ARMC3: variants seen among roughly 807,000 people sequenced by gnomAD.
ARMC3 encodes the protein armadillo repeat containing 3.
In ARMC3, 74 loss-of-function variants were observed where a neutral mutation model predicts 90.3. The ratio of observed to expected loss-of-function variants is 0.82; its 90% CI spans 0.68 to 0.99. ARMC3 has a LOEUF of 0.99. ARMC3 is among the 50% of genes least tolerant of loss of function. The pLI is 0.00. For synonymous variants in ARMC3, 334 were observed against 361.8 expected (o/e 0.92, Z 0.87); for missense variants, 958 against 1,042.8 (o/e 0.92, Z 1.12).
intron 16 of ARMC3, among the ~76,000 whole-genome samples, chr10:23,027,515 ATAG>A (rs1393510489): frequency 1.3e-5 from 2 of 152,150 alleles, no homozygotes; most frequent in African/African-American, 4.8e-5. Context: ...GAACTCATTT[ATAG>A]TAGTTTTTTT....
At chr10:22,928,899 T>G (rs2131098450) in intron 1 of ARMC3, among the ~76,000 whole-genome samples, 1 of 152,270 alleles carries the variant, frequency 6.6e-6, no homozygotes, top group East Asian at 1.9e-4. Flanking sequence ...AAGTAGGGGA[T>G]AGAAGTTGAG....
At chr10:23,001,820 G>C (rs1837305907) in intron 11 of ARMC3, 99 bp from the exon 12 acceptor site, 1 of 1,368,800 alleles carries the variant, frequency 7.3e-7, no homozygotes, top group Non-Finnish European at 9.9e-7. Flanking sequence ...TTTTTACATA[G>C]TTAAAACCTT....
At chr10:23,008,221 A>G (rs1837722884) in intron 14 of ARMC3, 55 bp from the exon 15 acceptor site, 2 of 918,616 alleles carry the variant, frequency 2.2e-6, no homozygotes, top group Admixed American at 3.2e-5. Context: ...GAATAAAACC[A>G]TCTGTTGACA....
intron 10 of ARMC3, among the ~76,000 whole-genome samples, chr10:22,983,126 G>T (rs531915927): frequency 6.6e-6 from 1 of 151,930 alleles, no homozygotes; most frequent in East Asian, 1.9e-4. Flanking sequence ...TGGTCACATG[G>T]TGCAAAAAAA....
intron 3 of ARMC3, among the ~76,000 whole-genome samples, chr10:22,948,867 T>C (rs1834635082): frequency 6.6e-6 from 1 of 152,126 alleles, no homozygotes; most frequent in African/African-American, 2.4e-5. Flanking sequence ...AGGAGCTCTG[T>C]AAAGGGTCTC....
Position 23,030,608 on chromosome 10 carries a change from A to G in ARMC3, c.2058A>G (p.Gly686=). 1 of 1,612,532 alleles carries G rather than the reference A, an allele frequency of 6.2e-7. No homozygotes were observed. The highest frequency in any genetic ancestry group is 8.5e-7 in the Non-Finnish European group (1 of 1,179,252). ...TKEKGWRKSK[G]KKEEEKVKEE... is the part of the protein sequence containing the mutation. ...TTTACTTTCAAAGGAAAAGCAAAGG[A>G]AAAAAAGAAGAGGAAAAAGTGAAAG... Residue 686 remains glycine (G), a synonymous_variant, in exon 17 of 19, where the codon GGA becomes GGG. Coordinates refer to ENST00000298032, the MANE Select transcript of ARMC3 (RefSeq NM_173081.5).
intron 13 of ARMC3, chr10:23,006,670 A>G: frequency 2.0e-6 from 1 of 496,568 alleles, no homozygotes; most frequent in South Asian, 2.2e-5. Context: ...AGCAATCGAG[A>G]TGATAAGGAA....
chr10:22,938,098 G>C (rs1834179836), intron 2 of ARMC3, among the ~76,000 whole-genome samples: 1 of 152,184 alleles, frequency 6.6e-6, no homozygotes, highest in African/African-American at 2.4e-5. Flanking sequence ...GGAGTGTGAT[G>C]GGGCCTCTTT....
chr10:22,935,532 G>C (rs558795046), intron 2 of ARMC3, among the ~76,000 whole-genome samples: 1 of 152,262 alleles, frequency 6.6e-6, no homozygotes, highest in African/African-American at 2.4e-5. Flanking sequence ...ACTGGGCTTA[G>C]AATTCAAAGC....
intron 8 of ARMC3, 126 bp downstream of exon 8, chr10:22,968,615 C>A: frequency 1.3e-6 from 1 of 799,198 alleles, no homozygotes; most frequent in Non-Finnish European, 1.8e-6. Context: ...GATTCTCCCA[C>A]CTCAGCCTTC....
intron 18 of ARMC3, among the ~76,000 whole-genome samples, chr10:23,035,311 G>A (rs1305415736): frequency 2.0e-5 from 3 of 152,056 alleles, no homozygotes; most frequent in Non-Finnish European, 4.4e-5. Context: ...ACCTCCAAAT[G>A]CCATCACATT....
Position 22,946,151 on chromosome 10 carries a change from C to G in ARMC3, c.56C>G (p.Pro19Arg). 1 of 1,604,462 alleles carries G rather than the reference C, an allele frequency of 6.2e-7. No individual in the cohort carries two copies. Among genetic ancestry groups the G allele is most frequent in the Non-Finnish European group, 8.5e-7 (1 of 1,174,496 alleles). Residue 19 changes from proline to arginine, a missense_variant, in exon 3 of 19, where the codon CCA (proline) becomes CGA (arginine). Physicochemically the swap from Pro to Arg is moderately radical, Grantham distance 103. Coordinates refer to ENST00000298032, the MANE Select transcript of ARMC3 (RefSeq NM_173081.5). ...TTTCTTTCTGCCTTTCAGTTTGACC[C>G]ATTAATGATTGAAAGCAAAAAAGCA... Reference protein sequence around the residue: ...VEPPPKDVFDPLMIESKKAAT... With the variant: ...VEPPPKDVFDRLMIESKKAAT...
chr10:22,991,163 A>C (rs891781665), intron 10 of ARMC3, among the ~76,000 whole-genome samples: 1 of 152,232 alleles, frequency 6.6e-6, no homozygotes, highest in Non-Finnish European at 1.5e-5. Context: ...TCAGAAAACC[A>C]TGTGTTTGTT....
At chr10:22,984,838 A>G (rs527590585) in intron 10 of ARMC3, among the ~76,000 whole-genome samples, 1 of 152,004 alleles carries the variant, frequency 6.6e-6, no homozygotes, top group African/African-American at 2.4e-5. Flanking sequence ...TTTGCGATAA[A>G]TTTGAATTAA....
rs761910798 is a variant in ARMC3 at position 22,946,160 on chromosome 10, T to C, written c.65T>C (p.Ile22Thr). Reference protein sequence around the residue: ...PPKDVFDPLMIESKKAATVVL... With the variant: ...PPKDVFDPLMTESKKAATVVL... ...GCCTTTCAGTTTGACCCATTAATGA[T>C]TGAAAGCAAAAAAGCAGCAACTGTG... Residue 22 changes from isoleucine (I) to threonine (T), a missense_variant, in exon 3 of 19, where the codon ATT (isoleucine) becomes ACT (threonine). By Grantham distance (89) the Ile-to-Thr change is moderately conservative (BLOSUM62 -1). Transcript: ENST00000298032. 2.5e-5 allele frequency: 41 copies of C among 1,610,540 alleles called. No individual in the cohort carries two copies. Among genetic ancestry groups the C allele is most frequent in the Admixed American group, 1.5e-4 (9 of 59,608 alleles).
At chr10:22,957,919 A>T (rs1376269486) in intron 4 of ARMC3, among the ~76,000 whole-genome samples, 1 of 152,210 alleles carries the variant, frequency 6.6e-6, no homozygotes, top group Non-Finnish European at 1.5e-5. Flanking sequence ...TTTTGTGGCC[A>T]GGCATGGTGG....
chr10:22,975,481 C>G (rs1299466648), intron 8 of ARMC3, among the ~76,000 whole-genome samples: 1 of 152,166 alleles, frequency 6.6e-6, no homozygotes, highest in Non-Finnish European at 1.5e-5. Context: ...AGGACAATCA[C>G]TTGAACCTAG....
intron 18 of ARMC3, among the ~76,000 whole-genome samples, chr10:23,036,900 G>A (rs1159402292): frequency 6.6e-6 from 1 of 152,188 alleles, no homozygotes; most frequent in Non-Finnish European, 1.5e-5. Context: ...CCTCCATTCA[G>A]TCCCACTGCA....
In ARMC3 at chr10:23,010,848, T is replaced by TC. The variant is rs1564394330; in HGVS notation, c.2045+1919dup. On this transcript the variant is annotated intron_variant, in intron 16 of 18. Coordinates refer to ENST00000298032, the MANE Select transcript of ARMC3 (RefSeq NM_173081.5). ...GCCTCTCCTCTCCTTCCCTTGCCTCTCCTCTCCTTCCCTTGCCTCTCCTCT... is the reference window on the plus strand; with the variant it reads ...GCCTCTCCTCTCCTTCCCTTGCCTCTCCCTCTCCTTCCCTTGCCTCTCCTCT... 6.0e-4 allele frequency among the ~76,000 whole-genome samples: 54 copies of TC among 89,738 alleles called. 1 individual carries two copies. The highest frequency in any genetic ancestry group is 2.0e-3 in the African/African-American group (48 of 24,436). 58.9% of individuals were successfully genotyped at this position (89,738 alleles called of 152,430 possible).
Sources: gnomAD v4.1 joint callset for allele counts (sites outside exome capture counted in the v4.1 genomes callset) on GRCh38, gnomAD v4.1.1 for gene constraint, MANE v1.5 for transcripts, NCBI Gene and HGNC (gene_info 2026-07-23, HGNC 2026-07-21) for gene names.